Variants in PLAGL1 observed in about 807,000 individuals in gnomAD.
The protein encoded by PLAGL1 is PLAG1 like zinc finger 1.
In PLAGL1, 1 loss-of-function variant was observed where a neutral mutation model predicts 4.6. The ratio of observed to expected loss-of-function variants is 0.22; its 90% confidence interval spans 0.08 to 1.03. PLAGL1 has a LOEUF of 1.03. Ranked by LOEUF, PLAGL1 falls within the 50% of genes least tolerant of loss-of-function variation. The pLI, the probability that PLAGL1 is intolerant of heterozygous loss-of-function variation, is 0.58. For missense variants in PLAGL1, 464 were observed against 570.4 expected, an observed-to-expected ratio of 0.81 and a Z score of 1.90; for synonymous variants, 240 against 237.8, an observed-to-expected ratio of 1.01 and a Z score of -0.08.
chr6:143,967,431 TA>T (rs1447863149), intron 3 of PLAGL1: 1 of 152,206 alleles, frequency 6.6e-6, no homozygotes, highest in African/African-American at 2.4e-5. Context: ...CATGTTTCTT[TA>T]ATGTGGATCA....
Position 144,053,487 on chromosome 6 carries a change from C to T in PLAGL1, c.-151+10981G>A, listed in dbSNP as rs1733824318. 6.6e-6 allele frequency among the ~76,000 whole-genome samples: 1 copy of T among 152,158 alleles called. No homozygotes were observed. The highest frequency in any genetic ancestry group is 1.9e-4 in the East Asian group (1 of 5,200). ...ATTCAAGTATAACATCTTGCTACCACCTATGAGGGATACAAAAGGTCCCAG... is the reference window on the plus strand; with the variant it reads ...ATTCAAGTATAACATCTTGCTACCATCTATGAGGGATACAAAAGGTCCCAG... On this transcript the variant is annotated intron_variant, in intron 1 of 3. Transcript: ENST00000437412. This position sits in a 1 kb window ranked among gnomAD's most constrained non-coding sequence, Gnocchi z 4.0.
intron 1 of PLAGL1, among the ~76,000 whole-genome samples, chr6:144,025,599 A>C (rs1667624483): frequency 6.6e-6 from 1 of 152,134 alleles, no homozygotes; most frequent in Admixed American, 6.6e-5. Context: ...TTTTTAAAAA[A>C]CACCTACTGG....
In PLAGL1 at chr6:144,006,667, T is replaced by C. The variant is rs1473165857; in HGVS notation, c.-584+1423A>G. The stretch of plus-strand genomic sequence containing the variant: ...CTGTACAGTGTGCCCTTTTTATGAG[T>C]GGTGTATAATTTATCTTTCTCCTTC... On this transcript the variant is annotated intron_variant, in intron 1 of 7. Coordinates refer to ENST00000674357, the MANE Select transcript of PLAGL1 (RefSeq NM_001317162.2). The surrounding 1 kb of genome is among the most constrained non-coding windows in gnomAD (Gnocchi z 4.3). The C allele has an allele frequency of 6.6e-6, 1 of 151,852 alleles. No homozygotes were observed. The highest frequency in any genetic ancestry group is 1.5e-5 in the Non-Finnish European group (1 of 67,988). 9.4% of individuals were successfully genotyped at this position (151,852 alleles called of 1,614,324 possible).
At position 143,955,937 on chromosome 6, in the gene PLAGL1, C is replaced by T. The variant is rs1238914584; in HGVS notation, c.-325+4532G>A. Among the ~76,000 whole-genome samples, 1 of 152,128 alleles carries T rather than the reference C, an allele frequency of 6.6e-6. No individual in the cohort carries two copies. The highest frequency in any genetic ancestry group is 1.5e-5 in the Non-Finnish European group (1 of 68,008). On this transcript the variant is annotated intron_variant, in intron 6 of 7. Coordinates refer to ENST00000674357, the MANE Select transcript of PLAGL1 (RefSeq NM_001317162.2). The surrounding 1 kb of genome is among the most constrained non-coding windows in gnomAD (Gnocchi z 4.9). ...GGTGGTGGCAGAGAGAGGTTTTCTTCTGCATCCCAGAAGAAAAACTCAGCA... is the reference window on the plus strand; with the variant it reads ...GGTGGTGGCAGAGAGAGGTTTTCTTTTGCATCCCAGAAGAAAAACTCAGCA...
Position 143,979,306 on chromosome 6 carries a change from C to T in PLAGL1, c.-544+5829G>A, listed in dbSNP as rs1252628776. ...TGGCCAATATGTGTATTAAATCTGA[C>T]ATTCTTTGCCTTTTAATTATGACAG... On this transcript the variant is annotated intron_variant, in intron 2 of 7. Coordinates refer to ENST00000674357, the MANE Select transcript of PLAGL1 (RefSeq NM_001317162.2). This position sits in a 1 kb window ranked among gnomAD's most constrained non-coding sequence, Gnocchi z 4.6. Among the ~76,000 whole-genome samples the T allele has an allele frequency of 6.6e-6, 1 of 151,862 alleles. No individual in the cohort carries two copies. Among genetic ancestry groups the T allele is most frequent in the African/African-American group, 2.4e-5 (1 of 41,442 alleles).
chr6:144,023,485 T>A (rs1264151387), intron 1 of PLAGL1, among the ~76,000 whole-genome samples: 3 of 152,076 alleles, frequency 2.0e-5, no homozygotes, highest in African/African-American at 7.2e-5. Flanking sequence ...GAAAAAAAGG[T>A]GCTGATCTAA....
intron 1 of PLAGL1, among the ~76,000 whole-genome samples, chr6:144,045,515 C>T (rs1483752956): frequency 6.6e-6 from 1 of 152,116 alleles, no homozygotes; most frequent in Non-Finnish European, 1.5e-5. Flanking sequence ...GAATATTGGC[C>T]CCTGCTCTCT....
At position 143,953,345 on chromosome 6, in the gene PLAGL1, T is replaced by C. The variant is rs901612140; in HGVS notation, c.-324-4885A>G. 3.3e-5 allele frequency among the ~76,000 whole-genome samples: 5 copies of C among 152,250 alleles called. No individual in the cohort carries two copies. Among genetic ancestry groups the C allele is most frequent in the African/African-American group, 1.2e-4 (5 of 41,468 alleles). ...CTATAGATTCTTTTCAGCTGTCACC[T>C]TGAAAGACTGAATTTTGTTAACCCA... On this transcript the variant is annotated intron_variant, in intron 6 of 7. Transcript: ENST00000674357. This position sits in a 1 kb window ranked among gnomAD's most constrained non-coding sequence, Gnocchi z 5.3.
At position 143,941,464 on chromosome 6, in the gene PLAGL1, C is replaced by A; in HGVS notation, c.1352G>T (p.Gly451Val). Reference sequence around the variant, plus strand: ...ATGGAAATGAGGCAGGATGGCAGAGCCAGTGCCAGCTGAGAACACATGAGG... The same window carrying A: ...ATGGAAATGAGGCAGGATGGCAGAGACAGTGCCAGCTGAGAACACATGAGG... Reference protein sequence around the residue: ...PIPHVFSAGTGSAILPHFHHA... With the variant: ...PIPHVFSAGTVSAILPHFHHA... Residue 451 changes from glycine (G) to valine (V), a missense_variant, in exon 8 of 8, where the codon GGC becomes GTC. By Grantham distance (109) the Gly-to-Val change is moderately radical. Transcript: ENST00000674357. The surrounding 1 kb of genome is among the most constrained non-coding windows in gnomAD (Gnocchi z 6.0). 6.6e-7 allele frequency: 1 copy of A among 1,506,546 alleles called. No homozygotes were observed. Among genetic ancestry groups the A allele is most frequent in the South Asian group, 1.4e-5 (1 of 73,416 alleles). 93.3% of individuals were successfully genotyped at this position (1,506,546 alleles called of 1,614,324 possible).
At position 144,064,469 on chromosome 6, in the gene PLAGL1, C is replaced by T. The variant is rs1241663929; in HGVS notation, c.-152G>A. The T allele has an allele frequency of 1.3e-5, 2 of 152,442 alleles. No homozygotes were observed. The highest frequency in any genetic ancestry group is 2.4e-5 in the African/African-American group (1 of 41,432). 9.4% of individuals were successfully genotyped at this position (152,442 alleles called of 1,614,324 possible). A position where few individuals can be genotyped will look rare whatever the true frequency, so the allele number is the denominator to read the frequency against. On this transcript the variant is annotated splice_region_variant and 5_prime_UTR_variant, in exon 1 of 4. Coordinates refer to the PLAGL1 transcript ENST00000437412. This position sits in a 1 kb window ranked among gnomAD's most constrained non-coding sequence, Gnocchi z 6.8. Reference sequence around the variant, plus strand: ...GCCTCACCTGCCTTTCCTACCTACCCGCCGCCAAGTTTCCCCCGCTTGGAA... The same window carrying T: ...GCCTCACCTGCCTTTCCTACCTACCTGCCGCCAAGTTTCCCCCGCTTGGAA...
intron 1 of PLAGL1, among the ~76,000 whole-genome samples, chr6:144,032,592 T>A (rs747693529): frequency 3.3e-5 from 5 of 152,064 alleles, no homozygotes; most frequent in African/African-American, 4.8e-5. Flanking sequence ...GACGGAGTCT[T>A]GGTTTGTCAC....
At position 143,966,034 on chromosome 6, in the gene PLAGL1, C is replaced by G. The variant is rs915035902; in HGVS notation, c.-431+124G>C. ...TTAGGTCAGTGTAGAGAGATATTTC[C>G]GCATGCTAGAGGCAGATCCATATTG... On this transcript the variant is annotated intron_variant, in intron 4 of 7. Coordinates refer to ENST00000674357, the MANE Select transcript of PLAGL1 (RefSeq NM_001317162.2). This position sits in a 1 kb window ranked among gnomAD's most constrained non-coding sequence, Gnocchi z 6.0. 2 of 152,170 alleles carry G rather than the reference C, an allele frequency of 1.3e-5. No homozygotes were observed. The highest frequency in any genetic ancestry group is 4.2e-4 in the South Asian group (2 of 4,810). 9.4% of individuals were successfully genotyped at this position (152,170 alleles called of 1,614,324 possible).
chr6:143,954,474 G>A lies in PLAGL1; in HGVS notation c.-325+5995C>T, dbSNP rs1295138707. Among the ~76,000 whole-genome samples, 1 of 152,140 alleles carries A rather than the reference G, an allele frequency of 6.6e-6. No individual in the cohort carries two copies. Among genetic ancestry groups the A allele is most frequent in the Non-Finnish European group, 1.5e-5 (1 of 68,008 alleles). On this transcript the variant is annotated intron_variant, in intron 6 of 7. Transcript: ENST00000674357. This position sits in a 1 kb window ranked among gnomAD's most constrained non-coding sequence, Gnocchi z 5.1. ...CAGGCATTTGAGTCAAACTTGCAAG[G>A]GGAACACTTGAGAACCCAGAGAGCA...
At position 143,977,583 on chromosome 6, in the gene PLAGL1, C is replaced by T. The variant is rs182812730; in HGVS notation, c.-544+7552G>A. On this transcript the variant is annotated intron_variant, in intron 2 of 7. Coordinates refer to ENST00000674357, the MANE Select transcript of PLAGL1 (RefSeq NM_001317162.2). ...CCACCTCCCAGGTTAAAGCAATTCTCCACCTCAGCCTCCCGAGTAGCTGGG... is the reference window on the plus strand; with the variant it reads ...CCACCTCCCAGGTTAAAGCAATTCTTCACCTCAGCCTCCCGAGTAGCTGGG... 2.7e-5 allele frequency among the ~76,000 whole-genome samples: 4 copies of T among 149,844 alleles called. No individual in the cohort carries two copies. In the East Asian group the frequency reaches 8.0e-4, roughly 30 times the overall value.
intron 1 of PLAGL1, among the ~76,000 whole-genome samples, chr6:144,058,168 C>T (rs772000264): frequency 1.7e-4 from 26 of 152,140 alleles, no homozygotes; most frequent in Non-Finnish European, 2.9e-4. Context: ...GGTGAGGGCT[C>T]AAGGAGCTCT....
intron 1 of PLAGL1, among the ~76,000 whole-genome samples, chr6:144,028,642 A>G (rs1239847711): frequency 6.6e-6 from 1 of 152,208 alleles, no homozygotes; most frequent in African/African-American, 2.4e-5. Context: ...ATATCCGTCT[A>G]TAAAAGAAGA....
chr6:143,988,063 C>T lies in PLAGL1; in HGVS notation c.-583-2889G>A, dbSNP rs567691342. Among the ~76,000 whole-genome samples the T allele has an allele frequency of 2.0e-5, 3 of 152,152 alleles. No homozygotes were observed. The South Asian group carries it at 6.2e-4, about 32-fold the overall frequency. ...TACATATAAGATAAAAACTGAGAAA[C>T]ACTTTTCCATTCCCAGTGATGTTTG... On this transcript the variant is annotated intron_variant, in intron 1 of 7. Coordinates refer to ENST00000674357, the MANE Select transcript of PLAGL1 (RefSeq NM_001317162.2).
In PLAGL1 at chr6:144,055,526, A is replaced by AC. The variant is rs1798901994; in HGVS notation, c.-151+8941dup. On this transcript the variant is annotated intron_variant, in intron 1 of 3. Coordinates refer to the PLAGL1 transcript ENST00000437412. The surrounding 1 kb of genome is among the most constrained non-coding windows in gnomAD (Gnocchi z 5.0). ...TGCCTCTATCGTAGGACCCCCAACT[A>AC]CCCTCAAGCCTGTGATTCTTTCTCC... 6.6e-6 allele frequency among the ~76,000 whole-genome samples: 1 copy of AC among 152,046 alleles called. No individual in the cohort carries two copies. Among genetic ancestry groups the AC allele is most frequent in the Non-Finnish European group, 1.5e-5 (1 of 68,014 alleles).
Position 143,992,927 on chromosome 6 carries a change from G to A in PLAGL1, c.-583-7753C>T, listed in dbSNP as rs544321690. Reference sequence around the variant, plus strand: ...TGGGAGGTGGAGGTTGCAGTGAGCCGAGATCCTGCCACCGCACTCCAGCCT... The same window carrying A: ...TGGGAGGTGGAGGTTGCAGTGAGCCAAGATCCTGCCACCGCACTCCAGCCT... On this transcript the variant is annotated intron_variant, in intron 1 of 7. Coordinates refer to ENST00000674357, the MANE Select transcript of PLAGL1 (RefSeq NM_001317162.2). 3.8e-3 allele frequency among the ~76,000 whole-genome samples: 576 copies of A among 151,582 alleles called. 5 individuals carry two copies. The highest frequency in any genetic ancestry group is 0.014 in the African/African-American group (558 of 41,312).
Sources: gnomAD v4.1 joint callset for allele counts (sites outside exome capture counted in the v4.1 genomes callset) on GRCh38, gnomAD v4.1.1 for gene constraint, Gnocchi (gnomAD v3.1) non-coding constraint, MANE v1.5 for transcripts, NCBI Gene and HGNC (gene_info 2026-07-23, HGNC 2026-07-21) for gene names.